PREX1: variants seen among roughly 807,000 people sequenced by gnomAD.
PREX1 encodes the protein phosphatidylinositol-3,4,5-trisphosphate dependent Rac exchange factor 1, also known as phosphatidylinositol 3,4,5-trisphosphate-dependent Rac exchanger 1 protein.
A neutral mutation model predicts 198.3 loss-of-function variants in PREX1; 41 were observed. That is an observed-to-expected ratio of 0.21 (90% CI 0.16 to 0.27). The LOEUF is 0.27. Ranked by LOEUF, PREX1 falls within the 10% of genes least tolerant of loss-of-function variation. The pLI is 1.00. For missense variants in PREX1, 1,620 were observed against 2,200.7 expected, an observed-to-expected ratio of 0.74 and a Z score of 5.28; for synonymous variants, 843 against 887.2, an observed-to-expected ratio of 0.95 and a Z score of 0.89.
At chr20:48,842,197 T>C in the PREX1 span, among the ~76,000 whole-genome samples, 1 of 152,176 alleles carries the variant, frequency 6.6e-6, no homozygotes, top group African/African-American at 2.4e-5. Flanking sequence ...AAAATGGACT[T>C]AGTGTCTGAT....
At chr20:48,777,674 G>A (rs953274050) in intron 1 of PREX1, among the ~76,000 whole-genome samples, 7 of 152,184 alleles carry the variant, frequency 4.6e-5, no homozygotes, top group Admixed American at 2.6e-4. Flanking sequence ...AAGCCAAGCT[G>A]TATGGCTTGG....
chr20:48,746,941 AACACACACACACACACACACACACAC>A (rs57506374), intron 2 of PREX1, among the ~76,000 whole-genome samples: 8,273 of 117,688 alleles, frequency 0.07, 406 homozygotes, highest in South Asian at 0.17. Flanking sequence ...CCAGTGCATG[AACACACACACACACACACACACACAC>A]ACACACACAC....
In PREX1 at chr20:48,644,616, A is replaced by G. The variant is rs555335487; in HGVS notation, c.3513-119T>C. The G allele has an allele frequency of 5.5e-4, 474 of 856,960 alleles. 2 individuals carry two copies. The African/African-American group carries it at 7.4e-3, about 13-fold the overall frequency. The allele number at this position is 856,960 out of a possible 1,614,324, so 53.1% of individuals were successfully genotyped here. A position where few individuals can be genotyped will look rare whatever the true frequency, so the allele number is the denominator to read the frequency against. ...CCCCTGGGCCCTCAGGTGGGCGTGC[A>G]GCCCAGAGAGGGCACCGAGCACCGG... On this transcript the variant is annotated intron_variant, in intron 26 of 39. Coordinates refer to ENST00000371941, the MANE Select transcript of PREX1 (RefSeq NM_020820.4).
intron 1 of PREX1, among the ~76,000 whole-genome samples, chr20:48,762,700 T>TC (rs1477672390): frequency 1.4e-5 from 2 of 139,362 alleles, no homozygotes; most frequent in Non-Finnish European, 3.2e-5. Flanking sequence ...GTATGAAGTT[T>TC]CTTTTTTTTT....
intron 1 of PREX1, 64 bp from the exon 2 acceptor site, chr20:48,747,944 C>G: frequency 6.9e-7 from 1 of 1,456,248 alleles, no homozygotes; most frequent in South Asian, 1.2e-5. Context: ...GACGGCCCTA[C>G]AGAAGGCTCT....
intron 14 of PREX1, among the ~76,000 whole-genome samples, chr20:48,675,359 T>C (rs962305673): frequency 6.6e-6 from 1 of 152,240 alleles, no homozygotes; most frequent in African/African-American, 2.4e-5. Context: ...TTCTGTTCTT[T>C]ATAAATTACC....
At chr20:48,857,863 G>A in the PREX1 span, among the ~76,000 whole-genome samples, 162 of 152,352 alleles carry the variant, frequency 1.1e-3, 1 homozygote, top group Non-Finnish European at 2.0e-3. Flanking sequence ...AGCTGGTCCT[G>A]TAGCTTGAGC....
the PREX1 span, among the ~76,000 whole-genome samples, chr20:48,857,000 C>T: frequency 2.0e-5 from 3 of 152,204 alleles, no homozygotes; most frequent in South Asian, 2.1e-4. Context: ...CCACCATGCC[C>T]GGCTAATTTT....
At chr20:48,828,209 C>G (rs1465393788), upstream of PREX1, among the ~76,000 whole-genome samples, 1 of 151,152 alleles carries the variant, frequency 6.6e-6, no homozygotes, top group Admixed American at 6.6e-5. Context: ...GCGCCTCCGT[C>G]GGAAGCTCGG....
intron 1 of PREX1, among the ~76,000 whole-genome samples, chr20:48,785,047 G>C (rs1253283345): frequency 1.3e-5 from 2 of 151,990 alleles, no homozygotes; most frequent in African/African-American, 2.4e-5. Context: ...CCAAGTAGCT[G>C]GGATTACAGG....
chr20:48,868,157 T>C, the PREX1 span, among the ~76,000 whole-genome samples: 1 of 152,140 alleles, frequency 6.6e-6, no homozygotes, highest in South Asian at 2.1e-4. Context: ...AACAAAGTGA[T>C]AAATGGTAAC....
intron 1 of PREX1, among the ~76,000 whole-genome samples, chr20:48,754,622 G>A (rs2090148834): frequency 6.6e-6 from 1 of 150,912 alleles, no homozygotes; most frequent in African/African-American, 2.4e-5. Context: ...CACCTCTGCC[G>A]TGGCTGGGGT....
In PREX1 at chr20:48,680,107, C is replaced by T. The variant is rs201851190; in HGVS notation, c.1436-353G>A. Among the ~76,000 whole-genome samples, 6 of 152,204 alleles carry T rather than the reference C, an allele frequency of 3.9e-5. No homozygotes were observed. The East Asian group carries it at 1.2e-3, about 29-fold the overall frequency. ...GCTCAGCATGTCCTTAGATCTAGAT[C>T]ACCAATGGATGGGTGGGGACAAGCA... On this transcript the variant is annotated intron_variant, in intron 11 of 39. Transcript: ENST00000371941.
the PREX1 span, among the ~76,000 whole-genome samples, chr20:48,837,162 C>CA: frequency 6.6e-6 from 1 of 151,992 alleles, no homozygotes; most frequent in African/African-American, 2.4e-5. Context: ...ACTAAAAAGC[C>CA]AAAAAAATCA....
intron 1 of PREX1, among the ~76,000 whole-genome samples, chr20:48,823,005 T>C (rs887473319): frequency 6.6e-6 from 1 of 152,014 alleles, no homozygotes; most frequent in African/African-American, 2.4e-5. Context: ...AAAAAAATAG[T>C]GACAACAAAA....
At chr20:48,695,489 T>C (rs1443570429) in intron 7 of PREX1, among the ~76,000 whole-genome samples, 1 of 152,250 alleles carries the variant, frequency 6.6e-6, no homozygotes, top group Non-Finnish European at 1.5e-5. Flanking sequence ...CTTTAGGAGA[T>C]ACTGCCAAGC....
At chr20:48,793,428 T>C (rs1241347163) in intron 1 of PREX1, among the ~76,000 whole-genome samples, 1 of 152,216 alleles carries the variant, frequency 6.6e-6, no homozygotes, top group African/African-American at 2.4e-5. Context: ...ATGTGAATTA[T>C]ACTCAATTAA....
chr20:48,708,643 G>A (rs1015750826), intron 5 of PREX1, among the ~76,000 whole-genome samples: 1 of 152,172 alleles, frequency 6.6e-6, no homozygotes. Context: ...GGAGAGGGAA[G>A]CATTGTTTCA....
rs767522894 is a variant in PREX1 at position 48,679,422 on chromosome 20, A to T, written c.1540-13T>A. 2 of 1,612,088 alleles carry T rather than the reference A, an allele frequency of 1.2e-6. No homozygotes were observed. Among genetic ancestry groups the T allele is most frequent in the Admixed American group, 1.7e-5 (1 of 59,838 alleles). Reference sequence around the variant, plus strand: ...AAAGCCTCACACCCTGAAAGAAAAAAGGGGAGGAATTCTGGGATCAGGCCA... The same window carrying T: ...AAAGCCTCACACCCTGAAAGAAAAATGGGGAGGAATTCTGGGATCAGGCCA... On this transcript the variant is annotated splice_polypyrimidine_tract_variant and intron_variant, in intron 12 of 39. Transcript: ENST00000371941.
Sources: gnomAD v4.1 joint callset for allele counts (sites outside exome capture counted in the v4.1 genomes callset) on GRCh38, gnomAD v4.1.1 for gene constraint, MANE v1.5 for transcripts, NCBI Gene and HGNC (gene_info 2026-07-23, HGNC 2026-07-21) for gene names.